The following ABCB7 variants were observed in gnomAD, a reference collection of about 807,000 sequenced individuals.
The protein encoded by ABCB7 is ATP binding cassette subfamily B member 7, also known as iron-sulfur clusters transporter ABCB7, mitochondrial.
A neutral mutation model predicts 54.4 loss-of-function variants in ABCB7; 7 were observed. The ratio of observed to expected loss-of-function variants is 0.13; its 90% CI spans 0.07 to 0.24. The LOEUF (loss-of-function observed/expected upper bound fraction) is 0.24, where lower values mean the gene tolerates loss of function less well. ABCB7 is among the 10% of genes least tolerant of loss of function. The probability of loss-of-function intolerance (pLI) is 1.00; values close to 1 mark genes in which losing one functional copy is unlikely to be tolerated. For synonymous variants in ABCB7, 218 were observed against 207.1 expected, an observed-to-expected ratio of 1.05 and a Z score of -0.45; for missense variants, 356 against 570.4, an observed-to-expected ratio of 0.62 and a Z score of 3.83.
chrX:75,142,807 CTG>C (rs762940778), intron 1 of ABCB7, among the ~76,000 whole-genome samples: 1 of 112,477 alleles, frequency 8.9e-6, no homozygotes, highest in East Asian at 2.8e-4. Context: ...CTCCTTCAAA[CTG>C]TGAATTCCTG....
chrX:75,149,161 C>A (rs989628709), intron 1 of ABCB7, among the ~76,000 whole-genome samples: 1 of 111,323 alleles, frequency 9.0e-6, no homozygotes, highest in African/African-American at 3.3e-5. Context: ...CTTTAATATC[C>A]ATCCCTCTCT....
In ABCB7 at chrX:75,141,416, GT is replaced by G. The variant is rs760301870; in HGVS notation, c.168+14688del. On this transcript the variant is annotated intron_variant, in intron 1 of 15. Transcript: ENST00000373394. Reference sequence around the variant, plus strand: ...TTTTAAATCGCTGTTTCTTGCTTATGTTTTTTTTTAATATAATCATTTGGCC... The same window carrying G: ...TTTTAAATCGCTGTTTCTTGCTTATGTTTTTTTTAATATAATCATTTGGCC... Among the ~76,000 whole-genome samples, 929 of 109,544 alleles carry G rather than the reference GT, an allele frequency of 8.5e-3. 11 individuals are homozygous for G. The highest frequency in any genetic ancestry group is 0.028 in the African/African-American group (836 of 30,193).
chrX:75,149,206 T>A (rs896632091), intron 1 of ABCB7, among the ~76,000 whole-genome samples: 1 of 111,833 alleles, frequency 8.9e-6, no homozygotes, highest in African/African-American at 3.2e-5. Flanking sequence ...AGAGGACTAA[T>A]GAACATCCCA....
chrX:75,056,250 C>G (rs57260483), intron 15 of ABCB7, among the ~76,000 whole-genome samples: 9,073 of 111,299 alleles, frequency 0.082, 922 homozygotes, highest in African/African-American at 0.28. Flanking sequence ...AGGACCCTTA[C>G]CTGAATCAAT....
intron 1 of ABCB7, among the ~76,000 whole-genome samples, chrX:75,144,572 G>A (rs1298738325): frequency 9.4e-6 from 1 of 106,599 alleles, no homozygotes; most frequent in Non-Finnish European, 1.9e-5. Context: ...ATATTAGCTG[G>A]TATTATTAAA....
At chrX:75,057,791 G>A (rs1463912437) in intron 15 of ABCB7, among the ~76,000 whole-genome samples, 3 of 108,085 alleles carry the variant, frequency 2.8e-5, no homozygotes, top group Non-Finnish European at 5.7e-5. Flanking sequence ...GGCTGCTTTT[G>A]TTTCTCCAGA....
intron 1 of ABCB7, among the ~76,000 whole-genome samples, chrX:75,147,318 G>A (rs749260417): frequency 1.3e-4 from 15 of 111,317 alleles, no homozygotes; most frequent in African/African-American, 4.9e-4. Flanking sequence ...CCTATTACTG[G>A]GTATGTACCC....
chrX:75,082,768 T>C (rs1353714582), intron 4 of ABCB7, among the ~76,000 whole-genome samples: 1 of 105,571 alleles, frequency 9.5e-6, no homozygotes, highest in East Asian at 1.7e-3. Context: ...CTAAGCAGAC[T>C]GTGAAAAGTT....
At chrX:75,148,429 C>T (rs1176415544) in intron 1 of ABCB7, among the ~76,000 whole-genome samples, 1 of 107,770 alleles carries the variant, frequency 9.3e-6, no homozygotes, top group African/African-American at 3.4e-5. Flanking sequence ...GTATATCTTT[C>T]CAATTTTCTA....
intron 12 of ABCB7, 63 bp downstream of exon 12, chrX:75,068,944 T>C: frequency 8.9e-7 from 1 of 1,123,617 alleles, no homozygotes; most frequent in Non-Finnish European, 1.2e-6. Flanking sequence ...CAAACTGTTC[T>C]AGTTACGGAT....
At chrX:75,112,854 A>G (rs1290125382) in intron 3 of ABCB7, 32 bp downstream of exon 3, 1 of 1,105,779 alleles carries the variant, frequency 9.0e-7, no homozygotes, top group Non-Finnish European at 1.3e-6. Context: ...ACAATCATCA[A>G]GAATTTCCAG....
At chrX:75,142,179 T>C (rs1406816543) in intron 1 of ABCB7, among the ~76,000 whole-genome samples, 3 of 111,234 alleles carry the variant, frequency 2.7e-5, no homozygotes, top group Non-Finnish European at 5.7e-5. Flanking sequence ...GATACCACAA[T>C]CCACAGATAC....
At position 75,156,100 on chromosome X, in the gene ABCB7, C is replaced by G; in HGVS notation, c.168+5G>C. 1 of 1,210,433 alleles carries G rather than the reference C, an allele frequency of 8.3e-7. No homozygotes were observed. The highest frequency in any genetic ancestry group is 1.1e-6 in the Non-Finnish European group (1 of 894,915). On this transcript the variant is annotated splice_donor_5th_base_variant and intron_variant, in intron 1 of 15. Transcript: ENST00000373394. Reference sequence around the variant, plus strand: ...CCCTATTCTTCCATGTCAGTGGCATCTCACCTGGTAGGCTCGAGCGGTTCC... The same window carrying G: ...CCCTATTCTTCCATGTCAGTGGCATGTCACCTGGTAGGCTCGAGCGGTTCC...
intron 4 of ABCB7, among the ~76,000 whole-genome samples, chrX:75,090,869 A>G (rs1009237940): frequency 9.0e-6 from 1 of 111,448 alleles, no homozygotes; most frequent in African/African-American, 3.2e-5. Flanking sequence ...AAATTTGATA[A>G]CTTAGATGAA....
At chrX:75,152,832 G>A (rs1471102925) in intron 1 of ABCB7, among the ~76,000 whole-genome samples, 1 of 109,353 alleles carries the variant, frequency 9.1e-6, no homozygotes. Flanking sequence ...GCTGCTTTTT[G>A]TATTTTTAGT....
At chrX:75,108,824 A>G (rs1329638003) in intron 3 of ABCB7, among the ~76,000 whole-genome samples, 1 of 111,597 alleles carries the variant, frequency 9.0e-6, no homozygotes, top group Non-Finnish European at 1.9e-5. Context: ...TACTTATTCC[A>G]TTAATTAATT....
At chrX:75,145,162 A>G (rs2082082530) in intron 1 of ABCB7, among the ~76,000 whole-genome samples, 2 of 111,175 alleles carry the variant, frequency 1.8e-5, no homozygotes, top group Non-Finnish European at 3.8e-5. Context: ...CAAATGTACA[A>G]AGAGCTGGTA....
chrX:75,152,071 C>A (rs1034931619), intron 1 of ABCB7, among the ~76,000 whole-genome samples: 21 of 111,997 alleles, frequency 1.9e-4, no homozygotes, highest in Non-Finnish European at 1.9e-5. Context: ...TTTGGTATGT[C>A]TTGCTCTTTT....
At position 75,071,200 on chromosome X, in the gene ABCB7, A is replaced by G. The variant is rs2081361180; in HGVS notation, c.1207+309T>C. ...CTTTGAACTAAACACTAAATCAATT[A>G]CATTGCTTTACAGGTCTGCAAGAGA... is the stretch of plus-strand genomic sequence containing the variant. On this transcript the variant is annotated intron_variant, in intron 9 of 15. Transcript: ENST00000373394. Among the ~76,000 whole-genome samples the G allele has an allele frequency of 1.8e-5, 2 of 110,823 alleles. 1 individual carries two copies. The highest frequency in any genetic ancestry group is 1.9e-4 in the Admixed American group (2 of 10,348).
Sources: gnomAD v4.1 joint callset for allele counts (sites outside exome capture counted in the v4.1 genomes callset) on GRCh38, gnomAD v4.1.1 for gene constraint, MANE v1.5 for transcripts, NCBI Gene and HGNC (gene_info 2026-07-23, HGNC 2026-07-21) for gene names.